Variants in CACNA1S observed in about 807,000 individuals in gnomAD.
The protein encoded by CACNA1S is calcium voltage-gated channel subunit alpha1 S, also known as voltage-dependent L-type calcium channel subunit alpha-1S.
CACNA1S carries 126 observed loss-of-function variants against 207.4 expected under a neutral mutation model. That is an observed-to-expected ratio of 0.61 (90% CI 0.53 to 0.70). CACNA1S has a LOEUF of 0.70. Ranked by LOEUF, CACNA1S falls within the 30% of genes least tolerant of loss-of-function variation. CACNA1S has a pLI of 0.00. For synonymous variants in CACNA1S, 960 were observed against 932.7 expected (o/e 1.03, Z -0.53); for missense variants, 2,349 against 2,422.8 (o/e 0.97, Z 0.64).
intron 15 of CACNA1S, among the ~76,000 whole-genome samples, chr1:201,073,119 A>G (rs1661479614): frequency 6.6e-6 from 1 of 152,200 alleles, no homozygotes; most frequent in Non-Finnish European, 1.5e-5. Flanking sequence ...TCCCCAGGCC[A>G]GGACCTCGAG....
At chr1:201,100,698 G>A (rs896032104) in intron 2 of CACNA1S, among the ~76,000 whole-genome samples, 1 of 152,186 alleles carries the variant, frequency 6.6e-6, no homozygotes, top group Non-Finnish European at 1.5e-5. Context: ...GGCTCTGCAT[G>A]CTCAGGGTGA....
intron 12 of CACNA1S, among the ~76,000 whole-genome samples, chr1:201,076,632 C>A (rs1289093192): frequency 6.6e-6 from 1 of 152,228 alleles, no homozygotes; most frequent in African/African-American, 2.4e-5. Context: ...ACTCCCAGGC[C>A]ATCCCTAACC....
At chr1:201,103,712 G>T (rs1381337538) in intron 2 of CACNA1S, among the ~76,000 whole-genome samples, 1 of 152,206 alleles carries the variant, frequency 6.6e-6, no homozygotes. Flanking sequence ...AAGGGGTGAG[G>T]CCAGAGCTGC....
intron 18 of CACNA1S, 109 bp from the exon 19 acceptor site, chr1:201,069,305 C>T: frequency 7.0e-7 from 1 of 1,420,992 alleles, no homozygotes; most frequent in Non-Finnish European, 9.9e-7. Context: ...GTGCCCCAGC[C>T]TGTGCCGTTC....
At chr1:201,088,577 C>G (rs1346842367) in intron 6 of CACNA1S, among the ~76,000 whole-genome samples, 1 of 152,212 alleles carries the variant, frequency 6.6e-6, no homozygotes, top group Non-Finnish European at 1.5e-5. Flanking sequence ...CCAGGGGGAT[C>G]AGAGTTCGAT....
chr1:201,045,474 T>A (rs1454088118), intron 38 of CACNA1S, among the ~76,000 whole-genome samples: 1 of 152,010 alleles, frequency 6.6e-6, no homozygotes, highest in Non-Finnish European at 1.5e-5. Flanking sequence ...GTGACTCACG[T>A]CTGTAATCCC....
chr1:201,052,052 C>G (rs1483844397), intron 32 of CACNA1S, among the ~76,000 whole-genome samples: 1 of 152,186 alleles, frequency 6.6e-6, no homozygotes, highest in African/African-American at 2.4e-5. Flanking sequence ...CTCACCTCTC[C>G]CACCTGGCTC....
In CACNA1S at chr1:201,053,644, G is replaced by A; in HGVS notation, c.3667-57C>T. ...GGGGCAGAACCTCAGAGGGGTAAGG[G>A]GCAGGGCGGGGAGGGAGGTGCACTG... On this transcript the variant is annotated intron_variant, in intron 29 of 43. Coordinates refer to ENST00000362061, the MANE Select transcript of CACNA1S (RefSeq NM_000069.3). This position sits in a 1 kb window ranked among gnomAD's most constrained non-coding sequence, Gnocchi z 5.1. The A allele has an allele frequency of 6.5e-7, 1 of 1,549,676 alleles. No homozygotes were observed. Among genetic ancestry groups the A allele is most frequent in the East Asian group, 2.3e-5 (1 of 44,244 alleles).
chr1:201,040,990 C>T (rs557024465), intron 41 of CACNA1S, among the ~76,000 whole-genome samples: 1 of 152,294 alleles, frequency 6.6e-6, no homozygotes, highest in African/African-American at 2.4e-5. Context: ...CCTCTGTGGT[C>T]CCTGGGTGTG....
chr1:201,092,023 G>A lies in CACNA1S; in HGVS notation c.490C>T (p.Leu164Phe), dbSNP rs747238231. 1.4e-5 allele frequency: 23 copies of A among 1,614,038 alleles called. No homozygotes were observed. The highest frequency in any genetic ancestry group is 1.9e-5 in the Non-Finnish European group (23 of 1,180,042). ...SKGAGLDVKA[L>F]RAFRVLRPLR... Reference sequence around the variant, plus strand: ...GGTCTGAGCACTCGGAAGGCTCTGAGGGCCTTGACATCCAAGCCGGCTCCT... The same window carrying A: ...GGTCTGAGCACTCGGAAGGCTCTGAAGGCCTTGACATCCAAGCCGGCTCCT... The change falls in exon 4 of 44, where the codon CTC (leucine) becomes TTC (phenylalanine). Residue 164 changes from leucine (L) to phenylalanine (F), a missense_variant. Transcript: ENST00000362061.
chr1:201,043,224 T>A lies in CACNA1S; in HGVS notation c.5048+57A>T. The A allele has an allele frequency of 2.5e-6, 4 of 1,612,294 alleles. No individual in the cohort carries two copies. The South Asian group carries it at 4.4e-5, about 18-fold the overall frequency. Reference sequence around the variant, plus strand: ...CCCTCTTCCAATCCAACCTGGAACCTGCTGACATTGTCCTCCCAGTACCTC... The same window carrying A: ...CCCTCTTCCAATCCAACCTGGAACCAGCTGACATTGTCCTCCCAGTACCTC... On this transcript the variant is annotated intron_variant, in intron 40 of 43. Coordinates refer to ENST00000362061, the MANE Select transcript of CACNA1S (RefSeq NM_000069.3).
Position 201,059,182 on chromosome 1 carries a change from C to T in CACNA1S, c.3525+7G>A, listed in dbSNP as rs541950413. 1 of 1,594,370 alleles carries T rather than the reference C, an allele frequency of 6.3e-7. No individual in the cohort carries two copies. Among genetic ancestry groups the T allele is most frequent in the East Asian group, 2.2e-5 (1 of 44,786 alleles). On this transcript the variant is annotated splice_region_variant and intron_variant, in intron 27 of 43. Coordinates refer to ENST00000362061, the MANE Select transcript of CACNA1S (RefSeq NM_000069.3). ...TTCTCATCTGGCCCGGTGGCCCCCA[C>T]ACTCACCCTGGCCTTGAAGGCCATG...
At chr1:201,074,460 C>T in intron 14 of CACNA1S, 46 bp downstream of exon 14, 1 of 1,248,340 alleles carries the variant, frequency 8.0e-7, no homozygotes. Context: ...AAGGCCATGG[C>T]CACGACTGAG....
At position 201,112,314 on chromosome 1, in the gene CACNA1S, T is replaced by A. The variant is rs761386471; in HGVS notation, c.26A>T (p.Glu9Val). ...CTTGGGCTGTTTCTTCCTCAGGCCT[T>A]CATCCTGGGGTGAGGATGGCTCCAT... MEPSSPQD[E>V]GLRKKQPKKP... is the part of the protein sequence containing the mutation. Residue 9 changes from glutamate (E) to valine (V), a missense_variant, in exon 1 of 44, where the codon GAA (glutamate) becomes GTA (valine). Physicochemically the swap from Glu to Val is moderately radical, Grantham distance 121 (BLOSUM62 -2). Transcript: ENST00000362061. 1 of 1,613,724 alleles carries A rather than the reference T, an allele frequency of 6.2e-7. No homozygotes were observed. The highest frequency in any genetic ancestry group is 1.1e-5 in the South Asian group (1 of 91,056).
intron 15 of CACNA1S, 130 bp from the exon 16 acceptor site, chr1:201,072,954 A>G (rs1661475443): frequency 1.3e-6 from 1 of 790,348 alleles, no homozygotes; most frequent in South Asian, 1.4e-5. Flanking sequence ...AACAGGGAAT[A>G]TTATGATCAT....
At chr1:201,101,556 C>T (rs1662666983) in intron 2 of CACNA1S, among the ~76,000 whole-genome samples, 1 of 152,230 alleles carries the variant, frequency 6.6e-6, no homozygotes, top group South Asian at 2.1e-4. Context: ...GCCGGGTGGC[C>T]CTCCTCTACT....
At position 201,094,027 on chromosome 1, in the gene CACNA1S, G is replaced by C. The variant is rs971443009; in HGVS notation, c.259-6C>G. On this transcript the variant is annotated splice_polypyrimidine_tract_variant and splice_region_variant and intron_variant, in intron 2 of 43. Transcript: ENST00000362061. ...AAGAAATACTCCAGCTTCTCCTGTG[G>C]GAGCAAACGTGGTCACAGCATGCCT... is the stretch of plus-strand genomic sequence containing the variant. 5.0e-6 allele frequency: 8 copies of C among 1,613,956 alleles called. No individual in the cohort carries two copies. The highest frequency in any genetic ancestry group is 6.8e-6 in the Non-Finnish European group (8 of 1,180,012).
In CACNA1S at chr1:201,089,254, C is replaced by T; in HGVS notation, c.900+4G>A. 6 of 1,614,122 alleles carry T rather than the reference C, an allele frequency of 3.7e-6. No individual in the cohort carries two copies. The highest frequency in any genetic ancestry group is 5.1e-6 in the Non-Finnish European group (6 of 1,179,918). On this transcript the variant is annotated splice_donor_region_variant and intron_variant, in intron 6 of 43. Coordinates refer to ENST00000362061, the MANE Select transcript of CACNA1S (RefSeq NM_000069.3). ...TGGTTCTGCAGGCGCGGGCCCAGAC[C>T]CACCCAGTAAAGGACGTCAGTCCAT...
In CACNA1S at chr1:201,066,386, C is replaced by T. The variant is rs1661242665; in HGVS notation, c.2658-70G>A. ...GCCAGCCCAGTCTGCGGTGGAGCCT[C>T]CAGCCATATCCTGCCCTCCACACCA... On this transcript the variant is annotated intron_variant, in intron 20 of 43. Coordinates refer to ENST00000362061, the MANE Select transcript of CACNA1S (RefSeq NM_000069.3). The surrounding 1 kb of genome is among the most constrained non-coding windows in gnomAD (Gnocchi z 4.3). 1 of 1,283,886 alleles carries T rather than the reference C, an allele frequency of 7.8e-7. No individual in the cohort carries two copies. The highest frequency in any genetic ancestry group is 1.1e-6 in the Non-Finnish European group (1 of 890,412). The allele number at this position is 1,283,886 out of a possible 1,614,324, so 79.5% of individuals were successfully genotyped here. A position where few individuals can be genotyped will look rare whatever the true frequency, so the allele number is the denominator to read the frequency against.
Sources: gnomAD v4.1 joint callset for allele counts (sites outside exome capture counted in the v4.1 genomes callset) on GRCh38, gnomAD v4.1.1 for gene constraint, Gnocchi (gnomAD v3.1) non-coding constraint, MANE v1.5 for transcripts, NCBI Gene and HGNC (gene_info 2026-07-23, HGNC 2026-07-21) for gene names.